The following ARMC2 variants were observed in gnomAD, a reference collection of about 807,000 sequenced individuals.
ARMC2 encodes armadillo repeat containing 2, also known as armadillo repeat-containing protein 2.
A neutral mutation model predicts 90.3 loss-of-function variants in ARMC2; 67 were observed. The observed-to-expected ratio is 0.74, with a 90% CI of 0.61 to 0.91. The LOEUF (loss-of-function observed/expected upper bound fraction) is 0.91. Among genes scored for constraint, ARMC2 ranks in the 40% least tolerant of loss-of-function variants. The pLI, the probability that ARMC2 is intolerant of heterozygous loss-of-function variation, is 0.00. For missense variants in ARMC2, 920 were observed against 1,030.9 expected (o/e 0.89, Z 1.47); for synonymous variants, 393 against 393.0 (o/e 1.00, Z 0.00).
chr6:109,043,649 T>C, the ARMC2 span, among the ~76,000 whole-genome samples: 1 of 152,266 alleles, frequency 6.6e-6, no homozygotes, highest in Non-Finnish European at 1.5e-5. Flanking sequence ...CAACAAAATA[T>C]GTATAGACTC....
At chr6:108,930,285 G>A (rs995253356) in intron 11 of ARMC2, among the ~76,000 whole-genome samples, 4 of 151,956 alleles carry the variant, frequency 2.6e-5, no homozygotes, top group Non-Finnish European at 5.9e-5. Context: ...ATGAACATTA[G>A]GACTAGGAGT....
chr6:108,954,261 T>C (rs1777404914), intron 13 of ARMC2, among the ~76,000 whole-genome samples: 1 of 152,196 alleles, frequency 6.6e-6, no homozygotes. Flanking sequence ...TTTTTAGGTC[T>C]GTCATCTCCC....
the ARMC2 span, among the ~76,000 whole-genome samples, chr6:109,031,551 C>A: frequency 1.5e-4 from 23 of 152,106 alleles, no homozygotes; most frequent in African/African-American, 5.6e-4. Flanking sequence ...GAAGTCACTG[C>A]GTTGGAGAAC....
At chr6:108,876,962 A>G (rs1288474583) in intron 5 of ARMC2, among the ~76,000 whole-genome samples, 1 of 152,186 alleles carries the variant, frequency 6.6e-6, no homozygotes, top group Non-Finnish European at 1.5e-5. Flanking sequence ...CTGTGGAGAA[A>G]TGCTTGCTGT....
Position 108,973,768 on chromosome 6 carries a change from A to G in ARMC2, c.*254A>G, listed in dbSNP as rs1778913192. Reference sequence around the variant, plus strand: ...AAATATGTGCATTTTCAAGTAAATGACTTTTTCTTCTATTCTCTATTAAAC... The same window carrying G: ...AAATATGTGCATTTTCAAGTAAATGGCTTTTTCTTCTATTCTCTATTAAAC... On this transcript the variant is annotated 3_prime_UTR_variant, in exon 18 of 18. Coordinates refer to ENST00000392644, the MANE Select transcript of ARMC2 (RefSeq NM_032131.6). 3.1e-6 allele frequency: 1 copy of G among 325,924 alleles called. No homozygotes were observed. The highest frequency in any genetic ancestry group is 5.6e-6 in the Non-Finnish European group (1 of 178,352). 20.2% of individuals were successfully genotyped at this position (325,924 alleles called of 1,614,324 possible).
At chr6:108,959,632 G>C (rs1777843462) in intron 13 of ARMC2, 1 of 151,484 alleles carries the variant, frequency 6.6e-6, no homozygotes. Context: ...AGTGTTGCCG[G>C]GCTCGTGATT....
downstream of ARMC2, among the ~76,000 whole-genome samples, chr6:108,977,000 C>G (rs544167753): frequency 6.6e-6 from 1 of 152,340 alleles, no homozygotes; most frequent in East Asian, 1.9e-4. Flanking sequence ...TTATTTCTTT[C>G]TCTTGCCTGA....
chr6:109,030,705 A>G, the ARMC2 span, among the ~76,000 whole-genome samples: 1 of 152,258 alleles, frequency 6.6e-6, no homozygotes, highest in African/African-American at 2.4e-5. Flanking sequence ...TTATGGTTCT[A>G]CCTAGGGACT....
At chr6:108,860,956 A>G (rs1775175434) in intron 3 of ARMC2, among the ~76,000 whole-genome samples, 2 of 152,308 alleles carry the variant, frequency 1.3e-5, no homozygotes, top group South Asian at 4.1e-4. Context: ...CATGTTTATA[A>G]TAAGTACTCT....
intron 13 of ARMC2, chr6:108,959,465 G>A (rs933332968): frequency 1.7e-4 from 26 of 152,490 alleles, no homozygotes; most frequent in South Asian, 6.2e-4. Context: ...GAGCCAAGTT[G>A]TGTGCAGGTG....
At chr6:109,002,172 C>T in the ARMC2 span, 1 of 962,718 alleles carries the variant, frequency 1.0e-6, no homozygotes, top group Non-Finnish European at 1.6e-6. Context: ...CCAACTCTGA[C>T]TAAAACATGT....
At chr6:109,003,274 TAATTA>T in the ARMC2 span, among the ~76,000 whole-genome samples, 1 of 151,262 alleles carries the variant, frequency 6.6e-6, no homozygotes, top group Non-Finnish European at 1.5e-5. Context: ...ATTATATATA[TAATTA>T]AATACTCATA....
intron 6 of ARMC2, among the ~76,000 whole-genome samples, chr6:108,895,482 CAAAA>C (rs58785510): frequency 1.0e-5 from 1 of 100,298 alleles, no homozygotes; most frequent in Non-Finnish European, 1.9e-5. Flanking sequence ...AGACTCATCT[CAAAA>C]AAAAAAAAAA....
chr6:109,048,141 A>C, the ARMC2 span, among the ~76,000 whole-genome samples: 1 of 152,268 alleles, frequency 6.6e-6, no homozygotes, highest in African/African-American at 2.4e-5. Context: ...TTTTGCTGTC[A>C]ACATTCACTG....
chr6:108,964,283 C>T lies in ARMC2; in HGVS notation c.2256C>T (p.Val752=), dbSNP rs1448520545. Residue 752 remains valine (V), a synonymous_variant, in exon 16 of 18, where the codon GTC becomes GTT. Coordinates refer to ENST00000392644, the MANE Select transcript of ARMC2 (RefSeq NM_032131.6). ...TCACTGTGGATAAAGACAAGCGTGT[C>T]ATCTTGAAAGAAGGAGGTGGCATTA... ...LNLTVDKDKR[V]ILKEGGGIKK... is the part of the protein sequence containing the mutation. The T allele has an allele frequency of 6.8e-6, 11 of 1,613,930 alleles. No homozygotes were observed. Among genetic ancestry groups the T allele is most frequent in the Non-Finnish European group, 9.3e-6 (11 of 1,179,866 alleles).
the ARMC2 span, among the ~76,000 whole-genome samples, chr6:109,005,727 T>C: frequency 1.9e-4 from 29 of 152,252 alleles, no homozygotes; most frequent in East Asian, 5.6e-3. Context: ...AGCCTCCAAA[T>C]TGAAGAGTCC....
chr6:109,021,355 G>C, the ARMC2 span, among the ~76,000 whole-genome samples: 42 of 152,202 alleles, frequency 2.8e-4, no homozygotes, highest in African/African-American at 1.0e-3. Context: ...GTATAGATGT[G>C]TATTTCCCCC....
chr6:108,939,745 TGTAAACCATGTACA>T (rs1776282860), intron 12 of ARMC2, among the ~76,000 whole-genome samples: 1 of 152,268 alleles, frequency 6.6e-6, no homozygotes, highest in African/African-American at 2.4e-5. Flanking sequence ...GAGAGCACCT[TGTAAACCATGTACA>T]GTAACATGCT....
At chr6:108,934,856 T>C (rs1368881163) in intron 11 of ARMC2, among the ~76,000 whole-genome samples, 2 of 152,238 alleles carry the variant, frequency 1.3e-5, no homozygotes, top group African/African-American at 4.8e-5. Flanking sequence ...TTATTTATTT[T>C]TCCTATTTAA....
Sources: allele counts gnomAD v4.1 joint callset (sites outside exome capture counted in the v4.1 genomes callset), GRCh38; gene constraint gnomAD v4.1.1; transcripts MANE v1.5; gene names NCBI Gene and HGNC (gene_info 2026-07-23, HGNC 2026-07-21).